The following ZNF717 variants were observed in gnomAD, a reference collection of about 807,000 sequenced individuals.
ZNF717 encodes the protein krueppel-like factor X17.
In ZNF717, 9 loss-of-function variants were observed where a neutral mutation model predicts 13.8. The ratio of observed to expected loss-of-function variants is 0.65; its 90% CI spans 0.39 to 1.14. The LOEUF is 1.14. ZNF717 is among the 50% of genes most tolerant of loss of function. The pLI, the probability that ZNF717 is intolerant of heterozygous loss-of-function variation, is 0.01. For synonymous variants in ZNF717, 327 were observed against 364.1 expected, an observed-to-expected ratio of 0.90 and a Z score of 1.16; for missense variants, 1,040 against 1,080.7, an observed-to-expected ratio of 0.96 and a Z score of 0.53.
At chr3:75,732,257 G>A (rs1314327346), downstream of ZNF717, 4 of 629,124 alleles carry the variant, frequency 6.4e-6, no homozygotes, top group Non-Finnish European at 1.1e-5. Flanking sequence ...TGACCTGCTG[G>A]AAGGGAAATT....
chr3:75,704,547 C>T (rs868815663), intron 6 of ZNF717, among the ~76,000 whole-genome samples: 351 of 151,586 alleles, frequency 2.3e-3, no homozygotes, highest in African/African-American at 8.3e-3. Context: ...AAGTTAGAGG[C>T]CCAGGGGCAT....
chr3:75,702,264 A>G (rs1165290217), intron 6 of ZNF717, among the ~76,000 whole-genome samples: 1 of 152,312 alleles, frequency 6.6e-6, no homozygotes, highest in Non-Finnish European at 1.5e-5. Flanking sequence ...TGGTACATAT[A>G]CACAATGGAA....
chr3:75,768,256 T>A (rs184584626), intron 2 of ZNF717, among the ~76,000 whole-genome samples: 270 of 150,706 alleles, frequency 1.8e-3, no homozygotes, highest in African/African-American at 5.9e-3. Context: ...TGGGTGCAGA[T>A]GACAGGCCAC....
intron 4 of ZNF717, among the ~76,000 whole-genome samples, chr3:75,719,105 G>A (rs1938119842): frequency 6.6e-6 from 1 of 151,852 alleles, no homozygotes; most frequent in South Asian, 2.1e-4. Flanking sequence ...ACCAACCTGG[G>A]AAACATGGCA....
chr3:75,734,985 C>G, downstream of ZNF717, among the ~76,000 whole-genome samples: 1 of 151,874 alleles, frequency 6.6e-6, no homozygotes, highest in Non-Finnish European at 1.5e-5. Flanking sequence ...GCCACCACGT[C>G]CAGCTAATTT....
At chr3:75,709,164 A>AT (rs1289674155), downstream of ZNF717, among the ~76,000 whole-genome samples, 3 of 150,712 alleles carry the variant, frequency 2.0e-5, no homozygotes, top group South Asian at 2.1e-4. Flanking sequence ...AAACCCAGCT[A>AT]TTTTTTTGTA....
intron 2 of ZNF717, among the ~76,000 whole-genome samples, chr3:75,782,933 C>T (rs35956540): frequency 0.31 from 47,108 of 152,188 alleles, 8,949 homozygotes; most frequent in Non-Finnish European, 0.43. Context: ...TACTGCCAGG[C>T]TGGTGTGAAA....
Position 75,737,366 on chromosome 3 carries a change from T to C in ZNF717, c.2257A>G (p.Thr753Ala). 1.3e-6 allele frequency: 2 copies of C among 1,552,624 alleles called. No individual in the cohort carries two copies. Among genetic ancestry groups the C allele is most frequent in the Non-Finnish European group, 1.7e-6 (2 of 1,147,562 alleles). Residue 753 changes from threonine (T) to alanine (A), a missense_variant, in exon 5 of 5, where the codon ACC (threonine) becomes GCC (alanine). Coordinates refer to ENST00000652011, the MANE Select transcript of ZNF717 (RefSeq NM_001290208.3). ...SVLTVHHRTH[T>A]GEKPYECNEC... ...TTACATTCATAAGGTTTTTCTCCGGTATGGGTTCTATGATGTACAGTGAGG... is the reference window on the plus strand; with the variant it reads ...TTACATTCATAAGGTTTTTCTCCGGCATGGGTTCTATGATGTACAGTGAGG...
chr3:75,741,239 T>A, intron 4 of ZNF717, 37 bp downstream of exon 4: 1 of 1,305,912 alleles, frequency 7.7e-7, no homozygotes, highest in Non-Finnish European at 1.1e-6. Context: ...TGGGCATTAC[T>A]CCTCCAGGCC....
rs541875931 is a variant in ZNF717, at chr3:75,722,921, T to C, written n.545-6380A>G. 2.9e-4 allele frequency among the ~76,000 whole-genome samples: 44 copies of C among 152,296 alleles called. 1 individual carries two copies. The highest frequency in any genetic ancestry group is 7.7e-4 in the African/African-American group (32 of 41,570). ...ATGGGAGGCATGACACCACATCATA[T>C]GCTTTTTCTGCTATATCACATTAAA... On this transcript the variant is annotated intron_variant and non_coding_transcript_variant, in intron 4 of 5. Coordinates refer to the ZNF717 transcript ENST00000491507.
At chr3:75,755,559 T>A (rs551145083) in intron 2 of ZNF717, among the ~76,000 whole-genome samples, 1 of 152,044 alleles carries the variant, frequency 6.6e-6, no homozygotes, top group Non-Finnish European at 1.5e-5. Context: ...AGAATAATAA[T>A]ACAAGGAATG....
At chr3:75,729,166 A>T (rs1938370908), downstream of ZNF717, among the ~76,000 whole-genome samples, 1 of 152,106 alleles carries the variant, frequency 6.6e-6, no homozygotes. Flanking sequence ...AGGTAGGCAG[A>T]GGGGTGAGAA....
intron 2 of ZNF717, among the ~76,000 whole-genome samples, chr3:75,746,021 T>C (rs1413273632): frequency 7.2e-5 from 11 of 152,164 alleles, no homozygotes; most frequent in Middle Eastern, 3.4e-3. Flanking sequence ...TATCCCACCC[T>C]GCTCCCCCTA....
At position 75,783,371 on chromosome 3, in the gene ZNF717, G is replaced by A. The variant is rs563659970; in HGVS notation, c.-2-7C>T. The stretch of plus-strand genomic sequence containing the variant: ...GAGAACACTGGAAACATAGCTGAGA[G>A]AGAAGGCAAATGACGTGAATTAAGG... On this transcript the variant is annotated splice_region_variant and splice_polypyrimidine_tract_variant and intron_variant, in intron 1 of 4. Coordinates refer to ENST00000652011, the MANE Select transcript of ZNF717 (RefSeq NM_001290208.3). 119 of 1,550,660 alleles carry A rather than the reference G, an allele frequency of 7.7e-5. No homozygotes were observed. In the East Asian group the frequency reaches 2.1e-3, roughly 27 times the overall value.
At chr3:75,714,158 C>A (rs1386236289) in intron 5 of ZNF717, among the ~76,000 whole-genome samples, 1 of 152,014 alleles carries the variant, frequency 6.6e-6, no homozygotes, top group East Asian at 1.9e-4. Context: ...CGGATAACTG[C>A]GGTGGGCCTG....
intron 6 of ZNF717, among the ~76,000 whole-genome samples, chr3:75,699,948 T>C (rs1344987374): frequency 6.6e-6 from 1 of 152,304 alleles, no homozygotes; most frequent in Admixed American, 6.5e-5. Flanking sequence ...AAATAAAAGT[T>C]CTCAACAATT....
In ZNF717 at chr3:75,783,955, T is replaced by A. The variant is rs1478176740; in HGVS notation, c.-2-591A>T. Among the ~76,000 whole-genome samples the A allele has an allele frequency of 2.0e-5, 3 of 152,224 alleles. No individual in the cohort carries two copies. The East Asian group carries it at 5.8e-4, about 29-fold the overall frequency. ...ACCTTTCCCTGTATCCAAGCCCTCA[T>A]ATTATGCTCTGACAATAAATTGGGC... On this transcript the variant is annotated intron_variant, in intron 1 of 4. Coordinates refer to ENST00000652011, the MANE Select transcript of ZNF717 (RefSeq NM_001290208.3).
intron 4 of ZNF717, 95 bp from the exon 5 acceptor site, chr3:75,739,440 G>A: frequency 1.1e-6 from 1 of 898,270 alleles, no homozygotes; most frequent in Non-Finnish European, 1.5e-6. Context: ...TATCTCAGTG[G>A]AGTAAGATTT....
chr3:75,746,119 T>C lies in ZNF717; in HGVS notation c.58-4383A>G, dbSNP rs1340122235. On this transcript the variant is annotated intron_variant, in intron 2 of 4. Coordinates refer to ENST00000652011, the MANE Select transcript of ZNF717 (RefSeq NM_001290208.3). Reference sequence around the variant, plus strand: ...ATTCCGACCTATGAGTGAGAACATGTGGTGTTTGGTTTTTTGTCCTTGAGA... The same window carrying C: ...ATTCCGACCTATGAGTGAGAACATGCGGTGTTTGGTTTTTTGTCCTTGAGA... Among the ~76,000 whole-genome samples the C allele has an allele frequency of 9.2e-5, 14 of 152,160 alleles. No individual in the cohort carries two copies. The East Asian group carries it at 2.3e-3, about 25-fold the overall frequency.
Sources: gnomAD v4.1 joint callset for allele counts (sites outside exome capture counted in the v4.1 genomes callset) on GRCh38, gnomAD v4.1.1 for gene constraint, MANE v1.5 for transcripts, NCBI Gene and HGNC (gene_info 2026-07-23, HGNC 2026-07-21) for gene names.